ARMH3: variants seen among roughly 807,000 people sequenced by gnomAD.
ARMH3 encodes the protein armadillo like helical domain containing 3.
ARMH3 carries 60 observed loss-of-function variants against 99.1 expected under a neutral mutation model. The ratio of observed to expected loss-of-function variants is 0.61; its 90% CI spans 0.49 to 0.75. The LOEUF (loss-of-function observed/expected upper bound fraction) is 0.75, where lower values mean the gene tolerates loss of function less well. Ranked by LOEUF, ARMH3 falls within the 30% of genes least tolerant of loss-of-function variation. The pLI is 0.00. For synonymous variants in ARMH3, 285 were observed against 292.8 expected, an observed-to-expected ratio of 0.97 and a Z score of 0.27; for missense variants, 679 against 843.1, an observed-to-expected ratio of 0.81 and a Z score of 2.41.
intron 24 of ARMH3, among the ~76,000 whole-genome samples, chr10:101,876,247 CAAAAAAAAAAA>C (rs34928343): frequency 6.0e-5 from 5 of 83,494 alleles, no homozygotes; most frequent in Non-Finnish European, 8.5e-5. Flanking sequence ...GGCTCCATCT[CAAAAAAAAAAA>C]AAAAAAAAAA....
In ARMH3 at chr10:101,846,799, A is replaced by G. The variant is rs1358999735; in HGVS notation, c.*729T>C. The stretch of plus-strand genomic sequence containing the variant: ...ACATGGTGAAACCCCATCTCTACTA[A>G]AAATACAAAAAATTAGCCGGGCGTG... On this transcript the variant is annotated 3_prime_UTR_variant, in exon 26 of 26. Transcript: ENST00000370033. 3 of 152,280 alleles carry G rather than the reference A, an allele frequency of 2.0e-5. No individual in the cohort carries two copies. Among genetic ancestry groups the G allele is most frequent in the Admixed American group, 1.3e-4 (2 of 15,286 alleles). 9.4% of individuals were successfully genotyped at this position (152,280 alleles called of 1,614,324 possible).
At chr10:101,989,899 C>T (rs1298905611) in intron 19 of ARMH3, among the ~76,000 whole-genome samples, 2 of 152,306 alleles carry the variant, frequency 1.3e-5, no homozygotes, top group African/African-American at 2.4e-5. Flanking sequence ...TCTCTAAATT[C>T]GTCCTACCTA....
chr10:101,857,239 C>G (rs1388796347), intron 24 of ARMH3, among the ~76,000 whole-genome samples: 1 of 152,166 alleles, frequency 6.6e-6, no homozygotes, highest in East Asian at 1.9e-4. Context: ...GGGCGGATCA[C>G]TTGAGGTCAG....
intron 23 of ARMH3, among the ~76,000 whole-genome samples, chr10:101,890,741 T>C (rs2067669084): frequency 6.6e-6 from 1 of 152,208 alleles, no homozygotes; most frequent in Non-Finnish European, 1.5e-5. Context: ...GATGAAGCTG[T>C]AGATTGCCAG....
At chr10:101,978,049 AG>A (rs34014783) in intron 19 of ARMH3, among the ~76,000 whole-genome samples, 2 of 152,160 alleles carry the variant, frequency 1.3e-5, no homozygotes. Context: ...CTCCCAAAAA[AG>A]GGGAACAGGG....
intron 20 of ARMH3, among the ~76,000 whole-genome samples, chr10:101,972,042 G>A (rs1845792564): frequency 6.6e-6 from 1 of 152,178 alleles, no homozygotes; most frequent in Non-Finnish European, 1.5e-5. Context: ...ATATCATGGT[G>A]ACATGCATCA....
At chr10:101,855,144 T>C (rs1221311687) in intron 24 of ARMH3, among the ~76,000 whole-genome samples, 2 of 46,536 alleles carry the variant, frequency 4.3e-5, no homozygotes. Flanking sequence ...CTCAGCTCAC[T>C]GCAACCTCCA....
chr10:101,936,692 A>ATGG (rs1843994819), intron 23 of ARMH3, among the ~76,000 whole-genome samples: 1 of 152,156 alleles, frequency 6.6e-6, no homozygotes, highest in Non-Finnish European at 1.5e-5. Context: ...GGTCTCAAAC[A>ATGG]GGTATCTGTA....
At chr10:101,976,602 T>C (rs1376470201) in intron 19 of ARMH3, among the ~76,000 whole-genome samples, 2 of 152,170 alleles carry the variant, frequency 1.3e-5, no homozygotes, top group South Asian at 2.1e-4. Flanking sequence ...CAAAGTGGTA[T>C]AGTGACATGG....
At chr10:101,953,203 C>T (rs1300253371) in intron 22 of ARMH3, among the ~76,000 whole-genome samples, 1 of 152,190 alleles carries the variant, frequency 6.6e-6, no homozygotes, top group Non-Finnish European at 1.5e-5. Flanking sequence ...AATCTCAGCT[C>T]ACTGCAACCT....
chr10:101,931,368 C>A (rs1843714489), intron 23 of ARMH3, among the ~76,000 whole-genome samples: 1 of 151,978 alleles, frequency 6.6e-6, no homozygotes, highest in Non-Finnish European at 1.5e-5. Context: ...ACTAAAAATA[C>A]AAAAAAATTA....
rs573298955 is a variant in ARMH3, at chr10:101,865,133, A to G, written c.1861-15241T>C. On this transcript the variant is annotated intron_variant, in intron 24 of 25. Transcript: ENST00000370033. ...CGAGAGACTGAGGCAGGAGAATGGCATGAACCCGGGAGGCAGAGCTTGCAG... is the reference window on the plus strand; with the variant it reads ...CGAGAGACTGAGGCAGGAGAATGGCGTGAACCCGGGAGGCAGAGCTTGCAG... Among the ~76,000 whole-genome samples, 5 of 151,370 alleles carry G rather than the reference A, an allele frequency of 3.3e-5. No homozygotes were observed. In the South Asian group the frequency reaches 1.0e-3, roughly 32 times the overall value.
chr10:101,890,871 TA>T (rs374920479), intron 23 of ARMH3, among the ~76,000 whole-genome samples: 3 of 148,646 alleles, frequency 2.0e-5, no homozygotes, highest in Admixed American at 6.7e-5. Context: ...ACCTGACTGG[TA>T]TTTTTTTTTT....
At chr10:101,916,555 T>A (rs547380892) in intron 23 of ARMH3, among the ~76,000 whole-genome samples, 2 of 152,348 alleles carry the variant, frequency 1.3e-5, no homozygotes, top group South Asian at 4.1e-4. Context: ...GAAGAACTAT[T>A]CTTTTTCTGA....
At chr10:101,903,529 G>A (rs2068028409) in intron 23 of ARMH3, among the ~76,000 whole-genome samples, 1 of 152,190 alleles carries the variant, frequency 6.6e-6, no homozygotes, top group African/African-American at 2.4e-5. Context: ...GCTTAGAAAG[G>A]ACATTCTGAA....
chr10:101,916,812 G>C (rs1843106397), intron 23 of ARMH3, among the ~76,000 whole-genome samples: 1 of 152,164 alleles, frequency 6.6e-6, no homozygotes, highest in Non-Finnish European at 1.5e-5. Context: ...CACCTGAATA[G>C]AACAAAAGGC....
At chr10:101,988,955 A>G (rs903733130) in intron 19 of ARMH3, among the ~76,000 whole-genome samples, 2 of 148,556 alleles carry the variant, frequency 1.3e-5, no homozygotes, top group Non-Finnish European at 3.0e-5. Flanking sequence ...AGCAAGCTAG[A>G]GGTCTACTCT....
intron 23 of ARMH3, among the ~76,000 whole-genome samples, chr10:101,926,115 C>A (rs1017266012): frequency 6.6e-6 from 1 of 152,192 alleles, no homozygotes; most frequent in South Asian, 2.1e-4. Flanking sequence ...CCTGCAGGGG[C>A]AAGGCCCAAT....
intron 10 of ARMH3, among the ~76,000 whole-genome samples, chr10:102,012,520 G>A (rs1372216282): frequency 5.3e-5 from 8 of 152,148 alleles, no homozygotes. Context: ...ATGATACACT[G>A]GACTAAATGG....
Sources: gnomAD v4.1 joint callset for allele counts (sites outside exome capture counted in the v4.1 genomes callset) on GRCh38, gnomAD v4.1.1 for gene constraint, MANE v1.5 for transcripts, NCBI Gene and HGNC (gene_info 2026-07-23, HGNC 2026-07-21) for gene names.